The following GALNTL6 variants were observed in gnomAD, a reference collection of about 807,000 sequenced individuals.
GALNTL6 encodes the protein polypeptide N-acetylgalactosaminyltransferase like 6.
GALNTL6 carries 46 observed loss-of-function variants against 73.7 expected under a neutral mutation model. The ratio of observed to expected loss-of-function variants is 0.62; its 90% CI spans 0.49 to 0.80. GALNTL6 has a LOEUF of 0.80. Ranked by LOEUF, GALNTL6 falls within the 30% of genes least tolerant of loss-of-function variation. The pLI, the probability that GALNTL6 is intolerant of heterozygous loss-of-function variation, is 0.00. For missense variants in GALNTL6, 604 were observed against 755.0 expected (o/e 0.80, Z 2.34); for synonymous variants, 259 against 263.7 (o/e 0.98, Z 0.17).
chr4:172,096,084 C>CGGGGTG (rs1553992000), intron 2 of GALNTL6, among the ~76,000 whole-genome samples: 16 of 147,188 alleles, frequency 1.1e-4, no homozygotes, highest in Middle Eastern at 3.4e-3. Context: ...CTCTCTCTTT[C>CGGGGTG]TGTGTGTGTG....
chr4:171,871,967 T>A (rs1736149350), intron 2 of GALNTL6, among the ~76,000 whole-genome samples: 1 of 152,204 alleles, frequency 6.6e-6, no homozygotes, highest in African/African-American at 2.4e-5. Flanking sequence ...ATGTTGTCCA[T>A]GAACTCTGAA....
At chr4:172,797,093 A>G (rs1265597315) in intron 5 of GALNTL6, among the ~76,000 whole-genome samples, 1 of 152,184 alleles carries the variant, frequency 6.6e-6, no homozygotes, top group East Asian at 1.9e-4. Context: ...TCTGAAAAAA[A>G]CTGAAGAAAA....
chr4:172,577,674 G>T, intron 5 of GALNTL6, among the ~76,000 whole-genome samples: 1 of 152,088 alleles, frequency 6.6e-6, no homozygotes, highest in East Asian at 1.9e-4. Context: ...GGCACCTGTT[G>T]CTTTCTGTGT....
chr4:172,522,633 G>A (rs987391452), intron 5 of GALNTL6, among the ~76,000 whole-genome samples: 1 of 149,472 alleles, frequency 6.7e-6, no homozygotes, highest in Admixed American at 6.7e-5. Context: ...TTGCACCATC[G>A]GACTCCAGCC....
At chr4:172,315,670 C>T (rs1740518390) in intron 4 of GALNTL6, among the ~76,000 whole-genome samples, 1 of 152,106 alleles carries the variant, frequency 6.6e-6, no homozygotes, top group Non-Finnish European at 1.5e-5. Flanking sequence ...GCCTGAATCT[C>T]TCCTTAGAAC....
chr4:172,880,236 A>G (rs1381211514), intron 7 of GALNTL6, among the ~76,000 whole-genome samples: 2 of 152,114 alleles, frequency 1.3e-5, no homozygotes, highest in Non-Finnish European at 2.9e-5. Context: ...TAATAGCCCC[A>G]AACTGCGAAC....
intron 2 of GALNTL6, among the ~76,000 whole-genome samples, chr4:172,047,821 G>A (rs1333450352): frequency 6.6e-6 from 1 of 152,018 alleles, no homozygotes; most frequent in Non-Finnish European, 1.5e-5. Flanking sequence ...TCATGAAAAG[G>A]TATAGATTGT....
At chr4:172,975,003 C>T (rs1179802576) in intron 10 of GALNTL6, among the ~76,000 whole-genome samples, 1 of 152,212 alleles carries the variant, frequency 6.6e-6, no homozygotes, top group African/African-American at 2.4e-5. Context: ...CTGGGATCCC[C>T]AAAGGACTGC....
Position 172,761,669 on chromosome 4 carries a change from T to TTCTCTCTCTCTCTCTCTCTCTCTCTCTC in GALNTL6, c.554-47665_554-47664insCTCTCTCTCTCTCTCTCTCTCTCTCTCT, listed in dbSNP as rs33989573. Among the ~76,000 whole-genome samples the TTCTCTCTCTCTCTCTCTCTCTCTCTCTC allele has an allele frequency of 2.7e-5, 4 of 147,278 alleles. No homozygotes were observed. The East Asian group carries it at 8.1e-4, about 30-fold the overall frequency. Reference sequence around the variant, plus strand: ...TGTGAGAGCTTCGCCCTTGCTCTCTTTCTCTCTCTCTCTCTCTCTCTCTCT... The same window carrying TTCTCTCTCTCTCTCTCTCTCTCTCTCTC: ...TGTGAGAGCTTCGCCCTTGCTCTCTTTCTCTCTCTCTCTCTCTCTCTCTCTCTCTCTCTCTCTCTCTCTCTCTCTCTCT... On this transcript the variant is annotated intron_variant, in intron 5 of 12. Coordinates refer to ENST00000506823, the MANE Select transcript of GALNTL6 (RefSeq NM_001034845.3).
chr4:172,139,173 G>T (rs1733737864), intron 2 of GALNTL6, among the ~76,000 whole-genome samples: 1 of 152,140 alleles, frequency 6.6e-6, no homozygotes, highest in Non-Finnish European at 1.5e-5. Context: ...TATAAGTTTG[G>T]AAAATCATAC....
chr4:172,339,224 C>G (rs1257431057), intron 4 of GALNTL6, among the ~76,000 whole-genome samples: 2 of 150,032 alleles, frequency 1.3e-5, no homozygotes. Flanking sequence ...CTCAGGGGAG[C>G]AGGCTGGGGC....
intron 5 of GALNTL6, among the ~76,000 whole-genome samples, chr4:172,487,681 C>A (rs1051885220): frequency 2.0e-5 from 3 of 152,124 alleles, no homozygotes; most frequent in Non-Finnish European, 2.9e-5. Flanking sequence ...AGCCACCACA[C>A]CCGACCATGT....
intron 5 of GALNTL6, among the ~76,000 whole-genome samples, chr4:172,793,678 T>A (rs1740114948): frequency 6.6e-6 from 1 of 152,218 alleles, no homozygotes; most frequent in Non-Finnish European, 1.5e-5. Context: ...GAGACATAAT[T>A]CTGCCCTTTA....
intron 2 of GALNTL6, among the ~76,000 whole-genome samples, chr4:172,070,664 A>G (rs1731514136): frequency 2.7e-5 from 3 of 109,808 alleles, no homozygotes; most frequent in African/African-American, 1.0e-4. Flanking sequence ...TATGAGCTAA[A>G]TACACTTTTG....
intron 2 of GALNTL6, among the ~76,000 whole-genome samples, chr4:172,078,950 T>C (rs1731794385): frequency 6.6e-6 from 1 of 152,300 alleles, no homozygotes. Flanking sequence ...TAATAAGGCA[T>C]ACATGATCAT....
At position 172,447,869 on chromosome 4, in the gene GALNTL6, TA is replaced by T. The variant is rs1473142198; in HGVS notation, c.553+99183del. Among the ~76,000 whole-genome samples, 23 of 152,302 alleles carry T rather than the reference TA, an allele frequency of 1.5e-4. No homozygotes were observed. The East Asian group carries it at 4.4e-3, about 29-fold the overall frequency. On this transcript the variant is annotated intron_variant, in intron 5 of 12. Transcript: ENST00000506823. ...AGAAGGGAATGCATTTCATTTATAT[TA>T]AAGGCAAACCTAGACTAAGGAATAA...
chr4:171,932,303 A>T (rs1026054357), intron 2 of GALNTL6, among the ~76,000 whole-genome samples: 11 of 152,258 alleles, frequency 7.2e-5, no homozygotes, highest in Admixed American at 2.6e-4. Context: ...AAGCTTGGCA[A>T]ATGAAGTTAC....
chr4:172,622,543 G>A (rs1237775454), intron 5 of GALNTL6, among the ~76,000 whole-genome samples: 1 of 152,168 alleles, frequency 6.6e-6, no homozygotes, highest in Non-Finnish European at 1.5e-5. Context: ...CAATGGAAAG[G>A]TGAAGACATT....
intron 4 of GALNTL6, among the ~76,000 whole-genome samples, chr4:172,340,698 T>C (rs895209574): frequency 1.3e-5 from 2 of 152,244 alleles, no homozygotes; most frequent in Non-Finnish European, 2.9e-5. Context: ...ATCAGAGCTA[T>C]ATTTAGGCTA....
Sources: gnomAD v4.1 joint callset for allele counts (sites outside exome capture counted in the v4.1 genomes callset) on GRCh38, gnomAD v4.1.1 for gene constraint, MANE v1.5 for transcripts, NCBI Gene and HGNC (gene_info 2026-07-23, HGNC 2026-07-21) for gene names.